Variants in TEAD1 observed in about 807,000 individuals in gnomAD.
TEAD1 encodes TEA domain transcription factor 1, also known as transcriptional enhancer factor TEF-1.
TEAD1 carries 9 observed loss-of-function variants against 54.9 expected under a neutral mutation model. The observed-to-expected ratio is 0.16, with a 90% CI of 0.10 to 0.29. The LOEUF is 0.29. Among genes scored for constraint, TEAD1 ranks in the 10% least tolerant of loss-of-function variants. The probability of loss-of-function intolerance (pLI) is 1.00; values close to 1 mark genes in which losing one functional copy is unlikely to be tolerated. For synonymous variants in TEAD1, 200 were observed against 187.8 expected, an observed-to-expected ratio of 1.07 and a Z score of -0.53; for missense variants, 387 against 535.9, an observed-to-expected ratio of 0.72 and a Z score of 2.74.
At chr11:12,816,944 G>A (rs1188164542) in intron 3 of TEAD1, among the ~76,000 whole-genome samples, 2 of 152,252 alleles carry the variant, frequency 1.3e-5, no homozygotes, top group East Asian at 1.9e-4. Context: ...GCAGAGGCCC[G>A]CTGGTTTGGA....
At chr11:12,771,712 G>A (rs1945314815) in intron 3 of TEAD1, among the ~76,000 whole-genome samples, 1 of 152,166 alleles carries the variant, frequency 6.6e-6, no homozygotes, top group Non-Finnish European at 1.5e-5. Context: ...GATTGAAGTT[G>A]CAGGGGTAGT....
intron 2 of TEAD1, among the ~76,000 whole-genome samples, chr11:12,708,281 C>G (rs7110549): frequency 6.6e-6 from 1 of 151,604 alleles, no homozygotes; most frequent in African/African-American, 2.4e-5. Context: ...TGCTTGAGGT[C>G]TGTGCAATTG....
rs2040702789 is a variant in TEAD1, at chr11:12,925,201, C to T, written c.1014+149C>T. On this transcript the variant is annotated intron_variant, in intron 11 of 12. Coordinates refer to ENST00000527636, the MANE Select transcript of TEAD1 (RefSeq NM_021961.6). ...TTCTCACACTGCTATGAAGAACTAC[C>T]TGAAAATGGGTAGTTTATGAAGAAA... The T allele has an allele frequency of 4.4e-6, 4 of 901,928 alleles. No individual in the cohort carries two copies. In the Middle Eastern group the frequency reaches 9.4e-4, roughly 212 times the overall value. 55.9% of individuals were successfully genotyped at this position (901,928 alleles called of 1,614,324 possible). A position where few individuals can be genotyped will look rare whatever the true frequency, so the allele number is the denominator to read the frequency against.
At chr11:12,712,575 A>G (rs1943962893) in intron 2 of TEAD1, among the ~76,000 whole-genome samples, 1 of 152,210 alleles carries the variant, frequency 6.6e-6, no homozygotes, top group Non-Finnish European at 1.5e-5. Flanking sequence ...ATGCATGTGA[A>G]GTGCTTGGCA....
At chr11:12,840,669 A>C (rs1947018330) in intron 3 of TEAD1, among the ~76,000 whole-genome samples, 1 of 152,030 alleles carries the variant, frequency 6.6e-6, no homozygotes, top group African/African-American at 2.4e-5. Context: ...TCTTCTCTCG[A>C]GGCTGAAGGG....
intron 3 of TEAD1, among the ~76,000 whole-genome samples, chr11:12,772,028 CT>C (rs1945321815): frequency 6.6e-6 from 1 of 152,192 alleles, no homozygotes; most frequent in Non-Finnish European, 1.5e-5. Context: ...GGTTTGAGAG[CT>C]GCTGGGCTAG....
At chr11:12,785,125 G>A (rs1945651323) in intron 3 of TEAD1, among the ~76,000 whole-genome samples, 1 of 152,144 alleles carries the variant, frequency 6.6e-6, no homozygotes, top group African/African-American at 2.4e-5. Context: ...GCCAGGGCCC[G>A]GGCTCCTGGT....
intron 2 of TEAD1, among the ~76,000 whole-genome samples, chr11:12,682,456 T>C (rs572340508): frequency 1.3e-5 from 2 of 152,298 alleles, no homozygotes; most frequent in East Asian, 1.9e-4. Context: ...TGGCTGCTTA[T>C]AGAGGTTTTG....
chr11:12,683,936 C>T (rs1165163427), intron 2 of TEAD1, among the ~76,000 whole-genome samples: 3 of 152,178 alleles, frequency 2.0e-5, no homozygotes, highest in Non-Finnish European at 4.4e-5. Flanking sequence ...GCCTCGGTGT[C>T]CCCATCTATA....
intron 2 of TEAD1, among the ~76,000 whole-genome samples, chr11:12,690,498 G>C (rs1306348340): frequency 6.6e-6 from 1 of 152,152 alleles, no homozygotes; most frequent in Non-Finnish European, 1.5e-5. Context: ...GGATTTTGCA[G>C]TTGTATCTCC....
intron 3 of TEAD1, among the ~76,000 whole-genome samples, chr11:12,773,449 A>G (rs752164172): frequency 6.6e-6 from 1 of 152,058 alleles, no homozygotes. Context: ...ACCATTGTTT[A>G]TTTTCATTGT....
At chr11:12,760,816 G>A (rs564202452) in intron 2 of TEAD1, among the ~76,000 whole-genome samples, 126 of 152,168 alleles carry the variant, frequency 8.3e-4, no homozygotes, top group Non-Finnish European at 1.4e-3. Flanking sequence ...GGAACCTGGG[G>A]GATGGAGTGC....
At chr11:12,741,739 C>T (rs1055534081) in intron 2 of TEAD1, among the ~76,000 whole-genome samples, 1 of 152,084 alleles carries the variant, frequency 6.6e-6, no homozygotes, top group African/African-American at 2.4e-5. Context: ...GTCAAAAAGT[C>T]TTTTTTCCCC....
intron 3 of TEAD1, among the ~76,000 whole-genome samples, chr11:12,789,218 G>T (rs1270351320): frequency 1.3e-5 from 2 of 152,148 alleles, no homozygotes; most frequent in Admixed American, 1.3e-4. Flanking sequence ...CTGTAAAATG[G>T]GGACAATGAA....
intron 3 of TEAD1, among the ~76,000 whole-genome samples, chr11:12,798,958 C>G (rs779957203): frequency 6.6e-6 from 1 of 152,168 alleles, no homozygotes; most frequent in Non-Finnish European, 1.5e-5. Context: ...CAACAAAACC[C>G]CCCCCAGGCA....
intron 3 of TEAD1, among the ~76,000 whole-genome samples, chr11:12,858,783 A>G (rs967218168): frequency 6.6e-6 from 1 of 152,188 alleles, no homozygotes; most frequent in African/African-American, 2.4e-5. Context: ...TTGAAGTCAT[A>G]ATTTTTAGAA....
intron 3 of TEAD1, among the ~76,000 whole-genome samples, chr11:12,845,759 A>C (rs1947133190): frequency 6.6e-6 from 1 of 152,234 alleles, no homozygotes; most frequent in Non-Finnish European, 1.5e-5. Flanking sequence ...AAGTCTATCC[A>C]AGAGGGAGCT....
chr11:12,720,902 G>C (rs1479716591), intron 2 of TEAD1, among the ~76,000 whole-genome samples: 1 of 152,178 alleles, frequency 6.6e-6, no homozygotes, highest in Non-Finnish European at 1.5e-5. Context: ...ACCATGACTT[G>C]TCTGAGGTCA....
intron 9 of TEAD1, among the ~76,000 whole-genome samples, chr11:12,891,925 C>A (rs1474162574): frequency 1.3e-5 from 2 of 152,106 alleles, no homozygotes; most frequent in East Asian, 3.9e-4. Context: ...AGTTTTGCTG[C>A]CTGGTGTTCT....
Sources: gnomAD v4.1 joint callset for allele counts (sites outside exome capture counted in the v4.1 genomes callset) on GRCh38, gnomAD v4.1.1 for gene constraint, MANE v1.5 for transcripts, NCBI Gene and HGNC (gene_info 2026-07-23, HGNC 2026-07-21) for gene names.